The following ALG6 variants were observed in gnomAD, a reference collection of about 807,000 sequenced individuals.
The protein encoded by ALG6 is ALG6 alpha-1,3-glucosyltransferase.
Under a neutral mutation model 66.6 loss-of-function variants are expected in ALG6, and 46 were observed. The ratio of observed to expected loss-of-function variants is 0.69; its 90% CI spans 0.55 to 0.88. The LOEUF is 0.88. ALG6 is among the 40% of genes least tolerant of loss of function. The pLI is 0.00. For synonymous variants in ALG6, 185 were observed against 203.7 expected (o/e 0.91, Z 0.78); for missense variants, 505 against 586.8 (o/e 0.86, Z 1.44).
At position 63,422,351 on chromosome 1, in the gene ALG6, ATC is replaced by A. The variant is rs1405044609; in HGVS notation, c.1058+2913_1058+2914del. On this transcript the variant is annotated intron_variant, in intron 12 of 14. Transcript: ENST00000263440. ...TATATCTATAGGAATATAAATATAT[ATC>A]TATATAAATATAAATATATATAAGT... Among the ~76,000 whole-genome samples, 13 of 100,692 alleles carry A rather than the reference ATC, an allele frequency of 1.3e-4. 1 individual carries two copies. Among genetic ancestry groups the A allele is most frequent in the African/African-American group, 4.6e-4 (9 of 19,460 alleles). The allele number at this position is 100,692 out of a possible 152,430, so 66.1% of individuals were successfully genotyped here.
At chr1:63,395,280 C>T (rs533976242) in intron 2 of ALG6, among the ~76,000 whole-genome samples, 119 of 152,254 alleles carry the variant, frequency 7.8e-4, no homozygotes, top group Non-Finnish European at 1.3e-3. Context: ...GTAATCAAAC[C>T]GTAAAGCAAT....
chr1:63,435,428 C>T (rs1557599527), intron 14 of ALG6, among the ~76,000 whole-genome samples: 1 of 152,084 alleles, frequency 6.6e-6, no homozygotes, highest in Non-Finnish European at 1.5e-5. Context: ...GCTTTCTTGG[C>T]GCCTATCCTC....
intron 3 of ALG6, among the ~76,000 whole-genome samples, chr1:63,400,280 T>C (rs867437513): frequency 0.25 from 6,435 of 26,220 alleles, 2,318 homozygotes; most frequent in South Asian, 0.49. Flanking sequence ...TATATATATA[T>C]ACGTATATAT....
intron 1 of ALG6, among the ~76,000 whole-genome samples, chr1:63,368,680 T>C (rs905960264): frequency 6.6e-6 from 1 of 152,028 alleles, no homozygotes; most frequent in Admixed American, 6.6e-5. Context: ...TTTGTATTTT[T>C]AGTAGAGATG....
Position 63,402,330 on chromosome 1 carries a change from C to T in ALG6, c.244C>T (p.Leu82=). The change falls in exon 4 of 15, where the codon CTA becomes TTA. Residue 82 remains leucine (L), a synonymous_variant. Coordinates refer to ENST00000263440, the MANE Select transcript of ALG6 (RefSeq NM_013339.4). ...ACCTCTTACAGCTTATCATAGTCTC[C>T]TATGTGCATATGTGTAAGTTTTTCT... ...YPPLTAYHSL[L]CAYVAKFINP... is the part of the protein sequence containing the mutation. 1 of 1,608,898 alleles carries T rather than the reference C, an allele frequency of 6.2e-7. No individual in the cohort carries two copies. Among genetic ancestry groups the T allele is most frequent in the East Asian group, 2.2e-5 (1 of 44,800 alleles).
Position 63,371,028 on chromosome 1 carries a change from A to G in ALG6, c.51A>G (p.Val17=). Residue 17 remains valine, a synonymous_variant, in exon 2 of 15, where the codon GTA becomes GTG. Coordinates refer to ENST00000263440, the MANE Select transcript of ALG6 (RefSeq NM_013339.4). The part of the protein sequence containing the change: ...MTVVVLIGLT[V]RWTVSLNSYS... Reference sequence around the variant, plus strand: ...TAGTGGTTTTAATAGGACTAACAGTACGATGGACAGTGTCTCTTAATTCTT... The same window carrying G: ...TAGTGGTTTTAATAGGACTAACAGTGCGATGGACAGTGTCTCTTAATTCTT... 2 of 1,610,860 alleles carry G rather than the reference A, an allele frequency of 1.2e-6. No homozygotes were observed. The highest frequency in any genetic ancestry group is 1.1e-5 in the South Asian group (1 of 91,006).
chr1:63,437,355 A>G lies in ALG6; in HGVS notation c.*335A>G. 1 of 285,608 alleles carries G rather than the reference A, an allele frequency of 3.5e-6. No homozygotes were observed. Among genetic ancestry groups the G allele is most frequent in the Non-Finnish European group, 6.7e-6 (1 of 148,214 alleles). 17.7% of individuals were successfully genotyped at this position (285,608 alleles called of 1,614,324 possible). On this transcript the variant is annotated 3_prime_UTR_variant, in exon 15 of 15. Transcript: ENST00000263440. ...AAATGTCTTTAAAAAACTGAGAAATATTTCTTGATATTTGCTTTGTCTAAA... is the reference window on the plus strand; with the variant it reads ...AAATGTCTTTAAAAAACTGAGAAATGTTTCTTGATATTTGCTTTGTCTAAA...
intron 12 of ALG6, among the ~76,000 whole-genome samples, chr1:63,424,418 C>G (rs561483726): frequency 6.6e-6 from 1 of 152,144 alleles, no homozygotes; most frequent in Non-Finnish European, 1.5e-5. Context: ...GGATTACAGG[C>G]GTGAACCACT....
At chr1:63,396,703 C>T in intron 3 of ALG6, 106 bp downstream of exon 3, 1 of 974,414 alleles carries the variant, frequency 1.0e-6, no homozygotes, top group Non-Finnish European at 1.6e-6. Context: ...ACATCCTCAT[C>T]TCTTGCATGC....
At chr1:63,422,226 AATATAAATATAT>A (rs1302074337) in intron 12 of ALG6, among the ~76,000 whole-genome samples, 6 of 31,378 alleles carry the variant, frequency 1.9e-4, no homozygotes, top group Non-Finnish European at 2.8e-4. Flanking sequence ...TATTTATATA[AATATAAATATAT>A]ATATAAATAT....
rs542440197 is a variant in ALG6, at chr1:63,400,359, A to ATG, written c.168-1893_168-1892dup. Among the ~76,000 whole-genome samples the ATG allele has an allele frequency of 8.1e-5, 9 of 110,554 alleles. 1 individual carries two copies. The highest frequency in any genetic ancestry group is 3.3e-4 in the African/African-American group (8 of 23,998). The allele number at this position is 110,554 out of a possible 152,430, so 72.5% of individuals were successfully genotyped here. A position where few individuals can be genotyped will look rare whatever the true frequency, so the allele number is the denominator to read the frequency against. On this transcript the variant is annotated intron_variant, in intron 3 of 14. Coordinates refer to ENST00000263440, the MANE Select transcript of ALG6 (RefSeq NM_013339.4). ...TACGTATATATATATGTATATATATATGTATATATATGTATATATATATAA... is the reference window on the plus strand; with the variant it reads ...TACGTATATATATATGTATATATATATGTGTATATATATGTATATATATATAA...
At chr1:63,390,588 T>C (rs1557584009) in intron 2 of ALG6, among the ~76,000 whole-genome samples, 1 of 152,140 alleles carries the variant, frequency 6.6e-6, no homozygotes, top group Non-Finnish European at 1.5e-5. Context: ...AGGAAGTCCT[T>C]GTGGTCTAAA....
At chr1:63,431,103 T>G (rs1644642999) in intron 14 of ALG6, among the ~76,000 whole-genome samples, 1 of 152,124 alleles carries the variant, frequency 6.6e-6, no homozygotes, top group Non-Finnish European at 1.5e-5. Context: ...TCAGTTCCAT[T>G]GAATTGTCTT....
At chr1:63,390,585 C>G (rs1324691999) in intron 2 of ALG6, among the ~76,000 whole-genome samples, 2 of 152,130 alleles carry the variant, frequency 1.3e-5, no homozygotes, top group African/African-American at 2.4e-5. Flanking sequence ...CCTAGGAAGT[C>G]CTTGTGGTCT....
Position 63,419,391 on chromosome 1 carries a change from T to C in ALG6, c.1009T>C (p.Phe337Leu). Residue 337 changes from phenylalanine to leucine, a missense_variant, in exon 12 of 15, where the codon TTT (phenylalanine) becomes CTT (leucine). Coordinates refer to ENST00000263440, the MANE Select transcript of ALG6 (RefSeq NM_013339.4). ...AAAGGTTAGCTGTGCGCTATCATTC[T>C]TTTTATTTTCTTTCCAAGTACATGA... is the stretch of plus-strand genomic sequence containing the variant. Reference protein sequence around the residue: ...FTLVSCALSFFLFSFQVHEKS... With the variant: ...FTLVSCALSFLLFSFQVHEKS... The C allele has an allele frequency of 6.2e-7, 1 of 1,610,424 alleles. No homozygotes were observed. The highest frequency in any genetic ancestry group is 8.5e-7 in the Non-Finnish European group (1 of 1,178,228).
intron 9 of ALG6, chr1:63,413,732 A>G (rs12135363): frequency 0.17 from 35,843 of 210,876 alleles, 3,488 homozygotes; most frequent in South Asian, 0.22. Context: ...TAAATTGTAG[A>G]AAAAACATTT....
At chr1:63,374,898 A>G (rs914633594) in intron 2 of ALG6, among the ~76,000 whole-genome samples, 4 of 152,182 alleles carry the variant, frequency 2.6e-5, no homozygotes, top group Non-Finnish European at 4.4e-5. Flanking sequence ...GATAAGGTGG[A>G]CATGTAAATA....
intron 14 of ALG6, among the ~76,000 whole-genome samples, chr1:63,435,579 T>TTTCTACA (rs1644673740): frequency 6.6e-6 from 1 of 152,178 alleles, no homozygotes; most frequent in Non-Finnish European, 1.5e-5. Context: ...TTCTCACTGC[T>TTTCTACA]TTCTACATTT....
rs2100421727 is a variant in ALG6 at position 63,412,039 on chromosome 1, C to CGGTT, written c.796_799dup (p.Asp267GlyfsTer2). 6.2e-7 allele frequency: 1 copy of CGGTT among 1,614,034 alleles called. No homozygotes were observed. Among genetic ancestry groups the CGGTT allele is most frequent in the Non-Finnish European group, 8.5e-7 (1 of 1,179,964 alleles). On this transcript the variant is annotated frameshift_variant, in exon 9 of 15. Transcript: ENST00000263440. LOFTEE classifies it high-confidence loss of function. ...CTGCAGGTTCTAAGAAGACTCTTCC[C>CGGTT]GGTTGATCGTGGATTATTTGAGGCA...
Sources: allele counts gnomAD v4.1 joint callset (sites outside exome capture counted in the v4.1 genomes callset), GRCh38; gene constraint gnomAD v4.1.1; transcripts MANE v1.5; gene names NCBI Gene and HGNC (gene_info 2026-07-23, HGNC 2026-07-21).